Variants in PRR12 observed in about 807,000 individuals in gnomAD.
The protein encoded by PRR12 is proline-rich protein 12.
In PRR12, 12 loss-of-function variants were observed where a neutral mutation model predicts 138.0. That is an observed-to-expected ratio of 0.09 (90% CI 0.06 to 0.14). The LOEUF is 0.14. Among genes scored for constraint, PRR12 ranks in the 10% least tolerant of loss-of-function variants. The pLI, the probability that PRR12 is intolerant of heterozygous loss-of-function variation, is 1.00. For missense variants in PRR12, 2,692 were observed against 2,861.3 expected (o/e 0.94, Z 1.35); for synonymous variants, 1,567 against 1,291.7 (o/e 1.21, Z -4.57).
Position 49,597,370 on chromosome 19 carries a change from C to G in PRR12, c.3035C>G (p.Pro1012Arg). 1.3e-6 allele frequency: 2 copies of G among 1,538,352 alleles called. No homozygotes were observed. Among genetic ancestry groups the G allele is most frequent in the Non-Finnish European group, 1.7e-6 (2 of 1,146,690 alleles). Residue 1012 changes from proline to arginine, a missense_variant, in exon 4 of 14, where the codon CCC becomes CGC. Physicochemically the swap from Pro to Arg is moderately radical, Grantham distance 103. Around this residue, in one of 11 missense-constraint regions of PRR12, gnomAD observed 840 missense variants for 689.8 expected, o/e 1.22. Transcript: ENST00000418929. This position sits in a 1 kb window ranked among gnomAD's most constrained non-coding sequence, Gnocchi z 6.3. ...GAGACACCGGGCCTGGGCCTGGACC[C>G]CAACAAACCGCCTGAACTGCCCTCC... ...GPETPGLGLDPNKPPELPSTV... is the reference protein window; with the variant it reads ...GPETPGLGLDRNKPPELPSTV...
In PRR12 at chr19:49,625,744, C is replaced by T. The variant is rs2080951757; in HGVS notation, c.*137C>T. 2 of 1,188,278 alleles carry T rather than the reference C, an allele frequency of 1.7e-6. No homozygotes were observed. Among genetic ancestry groups the T allele is most frequent in the Non-Finnish European group, 2.2e-6 (2 of 898,964 alleles). The allele number at this position is 1,188,278 out of a possible 1,614,324, so 73.6% of individuals were successfully genotyped here. ...GGTCAGGGTGTGTCTGTGCTGCCCC[C>T]TCCAGGGCAGGGTTCAAAGTCCGAC... On this transcript the variant is annotated 3_prime_UTR_variant, in exon 14 of 14. Transcript: ENST00000418929. This position sits in a 1 kb window ranked among gnomAD's most constrained non-coding sequence, Gnocchi z 5.5.
At chr19:49,621,230 C>T (rs2080921620) in intron 10 of PRR12, among the ~76,000 whole-genome samples, 1 of 121,176 alleles carries the variant, frequency 8.3e-6, no homozygotes, top group Admixed American at 8.8e-5. Flanking sequence ...GGTCTGGACT[C>T]TTGGGTCAGA....
rs561427502 is a variant in PRR12 at position 49,597,896 on chromosome 19, C to T, written c.3561C>T (p.Pro1187=). 1.4e-5 allele frequency: 20 copies of T among 1,417,704 alleles called. 1 individual carries two copies. In the Admixed American group the frequency reaches 4.1e-4, roughly 29 times the overall value. 87.8% of individuals were successfully genotyped at this position (1,417,704 alleles called of 1,614,324 possible). A position where few individuals can be genotyped will look rare whatever the true frequency, so the allele number is the denominator to read the frequency against. The change falls in exon 4 of 14, where the codon CCC becomes CCT. Residue 1187 remains proline (P), a synonymous_variant. Coordinates refer to ENST00000418929, the MANE Select transcript of PRR12 (RefSeq NM_020719.3). This position sits in a 1 kb window ranked among gnomAD's most constrained non-coding sequence, Gnocchi z 6.3. ...RPLEVPTTAG[P]ASASTPTDGA... ...TGGAGGTCCCGACCACTGCGGGGCCCGCCTCGGCCTCCACGCCCACCGATG... is the reference window on the plus strand; with the variant it reads ...TGGAGGTCCCGACCACTGCGGGGCCTGCCTCGGCCTCCACGCCCACCGATG...
At chr19:49,621,056 T>TG (rs1454286690) in intron 10 of PRR12, among the ~76,000 whole-genome samples, 4 of 31,216 alleles carry the variant, frequency 1.3e-4, no homozygotes, top group Admixed American at 3.7e-4. Context: ...GAGGAGGGGC[T>TG]GGGGCCTGGA....
Position 49,596,921 on chromosome 19 carries a change from G to A in PRR12, c.2586G>A (p.Ala862=), listed in dbSNP as rs374275189. Residue 862 remains alanine, a synonymous_variant, in exon 4 of 14, where the codon GCG becomes GCA. Transcript: ENST00000418929. This position sits in a 1 kb window ranked among gnomAD's most constrained non-coding sequence, Gnocchi z 5.6. ...AHLRSHGLEP[A]APSPRLRPEE... is the part of the protein sequence containing the mutation. ...TCCGCAGCCATGGCCTGGAGCCCGC[G>A]GCCCCCAGCCCCCGCCTGCGACCCG... 167 of 1,517,750 alleles carry A rather than the reference G, an allele frequency of 1.1e-4. No homozygotes were observed. The highest frequency in any genetic ancestry group is 1.4e-4 in the Non-Finnish European group (158 of 1,134,794). The allele number at this position is 1,517,750 out of a possible 1,614,324, so 94.0% of individuals were successfully genotyped here. A position where few individuals can be genotyped will look rare whatever the true frequency, so the allele number is the denominator to read the frequency against.
In PRR12 at chr19:49,601,565, C is replaced by A; in HGVS notation, c.4420C>A (p.Pro1474Thr). The change falls in exon 6 of 14, where the codon CCC (proline) becomes ACC (threonine). Residue 1474 changes from proline to threonine, a missense_variant. Pro to Thr is a conservative substitution (Grantham distance 38, BLOSUM62 -1). Transcript: ENST00000418929. ...GACTCCTCAGCCTCAGCCTCCGCCA[C>A]CCCCTCCGCCGCCACAGCCAGCCCT... ...APTPQPQPPP[P>T]PPPPQPALPS... is the part of the protein sequence containing the mutation. The A allele has an allele frequency of 2.6e-6, 4 of 1,537,868 alleles. No homozygotes were observed. The highest frequency in any genetic ancestry group is 3.5e-6 in the Non-Finnish European group (4 of 1,137,332).
At chr19:49,593,476 T>A (rs1430032244) in intron 2 of PRR12, 37 bp downstream of exon 2, 2 of 585,100 alleles carry the variant, frequency 3.4e-6, no homozygotes, top group African/African-American at 8.4e-5. Context: ...GGGCTGGCCC[T>A]CCCCCTCCCC....
rs1424772268 is a variant in PRR12 at position 49,597,658 on chromosome 19, C to G, written c.3323C>G (p.Ala1108Gly). The G allele has an allele frequency of 6.2e-7, 1 of 1,605,154 alleles. No homozygotes were observed. The highest frequency in any genetic ancestry group is 1.7e-5 in the Admixed American group (1 of 59,242). ...EYEFEADEDK[A>G]DVPADIRLNP... is the part of the protein sequence containing the mutation. Reference sequence around the variant, plus strand: ...GAGTTCGAGGCGGACGAGGACAAGGCCGATGTTCCCGCCGACATCCGCCTC... The same window carrying G: ...GAGTTCGAGGCGGACGAGGACAAGGGCGATGTTCCCGCCGACATCCGCCTC... The change falls in exon 4 of 14, where the codon GCC becomes GGC. Residue 1108 changes from alanine (A) to glycine (G), a missense_variant. Ala to Gly is a moderately conservative substitution (Grantham distance 60, BLOSUM62 0). Around this residue, in one of 11 missense-constraint regions of PRR12, gnomAD observed 840 missense variants for 689.8 expected, o/e 1.22. Coordinates refer to ENST00000418929, the MANE Select transcript of PRR12 (RefSeq NM_020719.3). The surrounding 1 kb of genome is among the most constrained non-coding windows in gnomAD (Gnocchi z 6.3).
rs200943526 is a variant in PRR12 at position 49,595,742 on chromosome 19, G to A, written c.1407G>A (p.Leu469=). The part of the protein sequence containing the change: ...QGFGGGQAQD[L]SKAPSYSGGP... ...TTGGAGGGGGGCAGGCACAGGACTT[G>A]AGCAAAGCCCCCAGCTACTCAGGGG... Residue 469 remains leucine (L), a synonymous_variant, in exon 4 of 14, where the codon TTG becomes TTA. Coordinates refer to ENST00000418929, the MANE Select transcript of PRR12 (RefSeq NM_020719.3). 8 of 1,597,858 alleles carry A rather than the reference G, an allele frequency of 5.0e-6. No individual in the cohort carries two copies. Among genetic ancestry groups the A allele is most frequent in the Middle Eastern group, 1.7e-4 (1 of 5,956 alleles).
Position 49,593,519 on chromosome 19 carries a change from C to A in PRR12, c.199+80C>A. ...AGCTGATTGGCTGTTGAAAGTTCCG[C>A]CCCTCCTAATTGGCCGTGGCCCGTG... On this transcript the variant is annotated intron_variant, in intron 2 of 13. Transcript: ENST00000418929. The A allele has an allele frequency of 4.3e-6, 3 of 693,510 alleles. No individual in the cohort carries two copies. In the South Asian group the frequency reaches 4.7e-5, roughly 11 times the overall value. The allele number at this position is 693,510 out of a possible 1,614,324, so 43.0% of individuals were successfully genotyped here.
chr19:49,622,914 T>C lies in PRR12; in HGVS notation c.5721+1292T>C, dbSNP rs1363832932. 2.9e-3 allele frequency among the ~76,000 whole-genome samples: 224 copies of C among 77,732 alleles called. 9 individuals are homozygous for C. The highest frequency in any genetic ancestry group is 0.015 in the African/African-American group (209 of 14,280). The allele number at this position is 77,732 out of a possible 152,430, so 51.0% of individuals were successfully genotyped here. A position where few individuals can be genotyped will look rare whatever the true frequency, so the allele number is the denominator to read the frequency against. On this transcript the variant is annotated intron_variant, in intron 11 of 13. Coordinates refer to ENST00000418929, the MANE Select transcript of PRR12 (RefSeq NM_020719.3). Reference sequence around the variant, plus strand: ...CTCAAAAAAAAAACAAAAACATATATATATATATATATATAGAGAGAGAGA... The same window carrying C: ...CTCAAAAAAAAAACAAAAACATATACATATATATATATATAGAGAGAGAGA...
intron 6 of PRR12, 83 bp downstream of exon 6, chr19:49,602,001 G>C: frequency 6.7e-7 from 1 of 1,492,696 alleles, no homozygotes; most frequent in Non-Finnish European, 9.0e-7. Flanking sequence ...ACAGGCTTGT[G>C]CTGAGACCTG....
At chr19:49,610,746 T>C (rs978457635) in intron 6 of PRR12, among the ~76,000 whole-genome samples, 16 of 151,932 alleles carry the variant, frequency 1.1e-4, no homozygotes, top group Admixed American at 9.9e-4. Context: ...GGTTTCACCA[T>C]GTTAGCCAGG....
chr19:49,605,924 G>A (rs1477043815), intron 6 of PRR12, among the ~76,000 whole-genome samples: 3 of 152,242 alleles, frequency 2.0e-5, no homozygotes, highest in Non-Finnish European at 4.4e-5. Flanking sequence ...TAGAGATGGG[G>A]CAGGCTGCTG....
Position 49,597,526 on chromosome 19 carries a change from T to C in PRR12, c.3191T>C (p.Phe1064Ser). 6.4e-7 allele frequency: 1 copy of C among 1,564,182 alleles called. No individual in the cohort carries two copies. The change falls in exon 4 of 14, where the codon TTC becomes TCC. Residue 1064 changes from phenylalanine (F) to serine (S), a missense_variant. Physicochemically the swap from Phe to Ser is radical, Grantham distance 155. Coordinates refer to ENST00000418929, the MANE Select transcript of PRR12 (RefSeq NM_020719.3). The surrounding 1 kb of genome is among the most constrained non-coding windows in gnomAD (Gnocchi z 6.3). ...AAGGGTGGCCTCACCTCGCCCATCT[T>C]CTGCTCTACCAAGCCAAAGAAGCTG... ...EPKGGLTSPI[F>S]CSTKPKKLLK... is the part of the protein sequence containing the mutation.
rs373710206 is a variant in PRR12 at position 49,597,710 on chromosome 19, C to T, written c.3375C>T (p.Val1125=). Residue 1125 remains valine (V), a synonymous_variant, in exon 4 of 14, where the codon GTC becomes GTT. Coordinates refer to ENST00000418929, the MANE Select transcript of PRR12 (RefSeq NM_020719.3). This position sits in a 1 kb window ranked among gnomAD's most constrained non-coding sequence, Gnocchi z 6.3. The part of the protein sequence containing the change: ...RLNPRRLPDL[V]SSCRSRPALS... ...ACCCCCGGCGCTTGCCTGACCTGGT[C>T]TCCAGCTGCCGCTCCCGTCCGGCCC... 5.3e-5 allele frequency: 85 copies of T among 1,606,730 alleles called. No individual in the cohort carries two copies. In the African/African-American group the frequency reaches 6.8e-4, roughly 13 times the overall value.
intron 6 of PRR12, among the ~76,000 whole-genome samples, chr19:49,610,361 C>T (rs1349229408): frequency 6.6e-6 from 1 of 152,094 alleles, no homozygotes; most frequent in Admixed American, 6.6e-5. Context: ...CACCACATGT[C>T]TTAGCTTGTC....
In PRR12 at chr19:49,597,554, C is replaced by T. The variant is rs1277784332; in HGVS notation, c.3219C>T (p.Leu1073=). The change falls in exon 4 of 14, where the codon CTC becomes CTT. Residue 1073 remains leucine (L), a synonymous_variant. Transcript: ENST00000418929. This position sits in a 1 kb window ranked among gnomAD's most constrained non-coding sequence, Gnocchi z 6.3. ...IFCSTKPKKL[L]KTSSFHLLRR... ...GCTCTACCAAGCCAAAGAAGCTGCT[C>T]AAGACATCCTCCTTCCACCTGCTGC... 6.3e-7 allele frequency: 1 copy of T among 1,589,440 alleles called. No homozygotes were observed. Among genetic ancestry groups the T allele is most frequent in the South Asian group, 1.2e-5 (1 of 86,844 alleles).
chr19:49,597,444 G>C lies in PRR12; in HGVS notation c.3109G>C (p.Ala1037Pro). 9 of 1,538,658 alleles carry C rather than the reference G, an allele frequency of 5.8e-6. No homozygotes were observed. The highest frequency in any genetic ancestry group is 7.9e-6 in the Non-Finnish European group (9 of 1,145,526). The change falls in exon 4 of 14, where the codon GCG becomes CCG. Residue 1037 changes from alanine to proline, a missense_variant. This residue lies in a region of PRR12 where 840 missense variants were observed against 689.8 expected (regional missense o/e 1.22). Transcript: ENST00000418929. The surrounding 1 kb of genome is among the most constrained non-coding windows in gnomAD (Gnocchi z 6.3). ...CCTGATCCAGAGTGGCCCCCACCAGGCGGCGCCACCACCCCCGCCTCCGCC... is the reference window on the plus strand; with the variant it reads ...CCTGATCCAGAGTGGCCCCCACCAGCCGGCGCCACCACCCCCGCCTCCGCC... ...LGLIQSGPHQ[A>P]APPPPPPPPP... is the part of the protein sequence containing the mutation.
Sources: allele counts gnomAD v4.1 joint callset (sites outside exome capture counted in the v4.1 genomes callset), GRCh38; gene constraint gnomAD v4.1.1; regional missense constraint gnomAD v4.1.1; non-coding constraint Gnocchi (gnomAD v3.1); transcripts MANE v1.5; gene names NCBI Gene and HGNC (gene_info 2026-07-23, HGNC 2026-07-21).